The following TATDN2 variants were observed in gnomAD, a reference collection of about 807,000 sequenced individuals.
The protein encoded by TATDN2 is 3'-5' RNA nuclease TATDN2.
In TATDN2, 44 loss-of-function variants were observed where a neutral mutation model predicts 60.3. The observed-to-expected ratio is 0.73, with a 90% CI of 0.57 to 0.94. The LOEUF (loss-of-function observed/expected upper bound fraction) is 0.94. Among genes scored for constraint, TATDN2 ranks in the 40% least tolerant of loss-of-function variants. The probability of loss-of-function intolerance (pLI) is 0.00; values close to 1 mark genes in which losing one functional copy is unlikely to be tolerated. For synonymous variants in TATDN2, 399 were observed against 355.8 expected (o/e 1.12, Z -1.37); for missense variants, 997 against 948.0 (o/e 1.05, Z -0.68).
chr3:10,252,241 CCTCTTGCCTTGT>C, intron 2 of TATDN2, among the ~76,000 whole-genome samples: 1 of 147,964 alleles, frequency 6.8e-6, no homozygotes, highest in African/African-American at 2.6e-5. Context: ...CTCAAGCTGT[CCTCTTGCCTTGT>C]CCTCCCAAAG....
chr3:10,273,676 G>A (rs562667781), intron 4 of TATDN2, among the ~76,000 whole-genome samples: 7 of 151,674 alleles, frequency 4.6e-5, no homozygotes, highest in African/African-American at 1.7e-4. Flanking sequence ...TTATAGGAGA[G>A]TTTGGTTGAT....
chr3:10,267,699 A>C (rs188835654), intron 3 of TATDN2, among the ~76,000 whole-genome samples: 1 of 152,348 alleles, frequency 6.6e-6, no homozygotes, highest in African/African-American at 2.4e-5. Flanking sequence ...TAGTCATCAT[A>C]TCACATTGAG....
At position 10,276,475 on chromosome 3, in the gene TATDN2, T is replaced by C; in HGVS notation, c.1948T>C (p.Tyr650His). 1.9e-6 allele frequency: 3 copies of C among 1,613,926 alleles called. No homozygotes were observed. The highest frequency in any genetic ancestry group is 2.5e-6 in the Non-Finnish European group (3 of 1,179,936). The part of the protein sequence containing the change: ...EIMKKFVPPD[Y>H]KIHRHCFTGS... ...CATGAAAAAGTTTGTGCCCCCTGACTACAAGATCCATAGGTTAGAAGACTG... is the reference window on the plus strand; with the variant it reads ...CATGAAAAAGTTTGTGCCCCCTGACCACAAGATCCATAGGTTAGAAGACTG... The change falls in exon 5 of 8, where the codon TAC becomes CAC. Residue 650 changes from tyrosine (Y) to histidine (H), a missense_variant. Physicochemically the swap from Tyr to His is moderately conservative, Grantham distance 83. Coordinates refer to ENST00000448281, the MANE Select transcript of TATDN2 (RefSeq NM_014760.4).
chr3:10,252,638 C>T (rs1040750968), intron 2 of TATDN2, among the ~76,000 whole-genome samples: 2 of 152,002 alleles, frequency 1.3e-5, no homozygotes, highest in Admixed American at 6.6e-5. Flanking sequence ...ATGGCATGTT[C>T]ATCCTCAGGT....
At chr3:10,258,054 G>A (rs1489600923) in intron 2 of TATDN2, among the ~76,000 whole-genome samples, 1 of 149,468 alleles carries the variant, frequency 6.7e-6, no homozygotes, top group African/African-American at 2.5e-5. Context: ...TAGAGACGGG[G>A]TTTCACTGTG....
Position 10,270,673 on chromosome 3 carries a change from C to T in TATDN2, c.1491C>T (p.Asp497=). Residue 497 remains aspartate (D), a synonymous_variant, in exon 4 of 8, where the codon GAC becomes GAT. Coordinates refer to ENST00000448281, the MANE Select transcript of TATDN2 (RefSeq NM_014760.4). Reference sequence around the variant, plus strand: ...CAAGCCTAGAGGAGGGCTTCATTGACACTCATTGTCACCTGGACATGCTCT... The same window carrying T: ...CAAGCCTAGAGGAGGGCTTCATTGATACTCATTGTCACCTGGACATGCTCT... The part of the protein sequence containing the change: ...LEPSLEEGFI[D]THCHLDMLYS... The T allele has an allele frequency of 2.5e-6, 4 of 1,614,252 alleles. No individual in the cohort carries two copies. Among genetic ancestry groups the T allele is most frequent in the Non-Finnish European group, 3.4e-6 (4 of 1,180,044 alleles).
At chr3:10,276,954 T>C (rs1479925833) in intron 5 of TATDN2, among the ~76,000 whole-genome samples, 1 of 144,732 alleles carries the variant, frequency 6.9e-6, no homozygotes, top group Non-Finnish European at 1.5e-5. Flanking sequence ...TATTTGACCT[T>C]TTTTTTTTTT....
intron 2 of TATDN2, among the ~76,000 whole-genome samples, chr3:10,258,770 G>C (rs764574229): frequency 6.6e-6 from 1 of 151,868 alleles, no homozygotes; most frequent in Non-Finnish European, 1.5e-5. Flanking sequence ...GCTCCCAGCC[G>C]AGCCTAAGTC....
At chr3:10,267,368 G>A (rs1457930215) in intron 3 of TATDN2, among the ~76,000 whole-genome samples, 1 of 151,398 alleles carries the variant, frequency 6.6e-6, no homozygotes, top group Non-Finnish European at 1.5e-5. Context: ...TGTTTATGGT[G>A]TATGTTTCTA....
In TATDN2 at chr3:10,280,298, C is replaced by T. The variant is rs1698714179; in HGVS notation, c.*1116C>T. On this transcript the variant is annotated 3_prime_UTR_variant, in exon 8 of 8. Coordinates refer to ENST00000448281, the MANE Select transcript of TATDN2 (RefSeq NM_014760.4). ...TTTGCCTCTCCTGTGTCCTGTCTTT[C>T]TGCGTTTTAGAAGTGAGAGCCTCTC... The T allele has an allele frequency of 1.3e-5, 2 of 153,848 alleles. No homozygotes were observed. The highest frequency in any genetic ancestry group is 4.1e-4 in the South Asian group (2 of 4,830). The allele number at this position is 153,848 out of a possible 1,614,324, so 9.5% of individuals were successfully genotyped here.
chr3:10,248,988 A>G lies in TATDN2; in HGVS notation c.-86A>G. 2 of 486,542 alleles carry G rather than the reference A, an allele frequency of 4.1e-6. No homozygotes were observed. Among genetic ancestry groups the G allele is most frequent in the Non-Finnish European group, 6.6e-6 (2 of 303,812 alleles). The allele number at this position is 486,542 out of a possible 1,614,324, so 30.1% of individuals were successfully genotyped here. Reference sequence around the variant, plus strand: ...GACGGCAGCCTTTAGTCAATTTTGGATCGCTTTGACTTCTCCAACACGGTT... The same window carrying G: ...GACGGCAGCCTTTAGTCAATTTTGGGTCGCTTTGACTTCTCCAACACGGTT... On this transcript the variant is annotated 5_prime_UTR_variant, in exon 1 of 8. Transcript: ENST00000448281.
chr3:10,254,517 G>A (rs547953887), intron 2 of TATDN2, among the ~76,000 whole-genome samples: 18 of 152,212 alleles, frequency 1.2e-4, no homozygotes, highest in African/African-American at 4.3e-4. Flanking sequence ...AGACAGGAAG[G>A]CTGGGGCCAG....
chr3:10,257,841 A>ATTTTTT lies in TATDN2; in HGVS notation c.415-2266_415-2261dup, dbSNP rs553265148. Among the ~76,000 whole-genome samples the ATTTTTT allele has an allele frequency of 9.9e-4, 30 of 30,298 alleles. 3 individuals carry two copies. The highest frequency in any genetic ancestry group is 1.3e-3 in the Non-Finnish European group (18 of 14,388). 19.9% of individuals were successfully genotyped at this position (30,298 alleles called of 152,430 possible). A position where few individuals can be genotyped will look rare whatever the true frequency, so the allele number is the denominator to read the frequency against. On this transcript the variant is annotated intron_variant, in intron 2 of 7. Coordinates refer to ENST00000448281, the MANE Select transcript of TATDN2 (RefSeq NM_014760.4). ...AAGTATAGATTTCTAAAGGTTTATG[A>ATTTTTT]TTTTTTTTTTTTTTTTTTTTTTTTT...
chr3:10,274,043 G>C (rs1698601479), intron 4 of TATDN2, among the ~76,000 whole-genome samples: 1 of 152,178 alleles, frequency 6.6e-6, no homozygotes, highest in South Asian at 2.1e-4. Flanking sequence ...GGAATCCCTG[G>C]AAATAATGGA....
In TATDN2 at chr3:10,270,263, T is replaced by C; in HGVS notation, c.1081T>C (p.Ser361Pro). The C allele has an allele frequency of 6.2e-7, 1 of 1,614,164 alleles. No individual in the cohort carries two copies. The highest frequency in any genetic ancestry group is 8.5e-7 in the Non-Finnish European group (1 of 1,180,042). The part of the protein sequence containing the change: ...SLKPSAVPEP[S>P]SFTTDYVMYP... ...GAAACCTTCAGCCGTTCCGGAGCCT[T>C]CTTCCTTCACCACCGACTATGTCAT... Residue 361 changes from serine to proline, a missense_variant, in exon 4 of 8, where the codon TCT becomes CCT. Transcript: ENST00000448281.
Position 10,257,863 on chromosome 3 carries a change from TTTTTTTTTTTTTTG to T in TATDN2, c.415-2273_415-2260del, listed in dbSNP as rs1470691278. 3.2e-4 allele frequency among the ~76,000 whole-genome samples: 31 copies of T among 98,042 alleles called. 1 individual carries two copies. The highest frequency in any genetic ancestry group is 1.5e-3 in the South Asian group (4 of 2,582). The allele number at this position is 98,042 out of a possible 152,430, so 64.3% of individuals were successfully genotyped here. On this transcript the variant is annotated intron_variant, in intron 2 of 7. Transcript: ENST00000448281. The stretch of plus-strand genomic sequence containing the variant: ...ATGATTTTTTTTTTTTTTTTTTTTT[TTTTTTTTTTTTTTG>T]GGAGATGGAGTCTTACTCTGTAGCC...
intron 4 of TATDN2, among the ~76,000 whole-genome samples, chr3:10,271,981 G>A (rs76926917): frequency 0.028 from 4,288 of 151,872 alleles, 195 homozygotes; most frequent in African/African-American, 0.097. Context: ...CACCTGCCTC[G>A]GCGTCCGAAA....
At chr3:10,253,123 C>T (rs1304074425) in intron 2 of TATDN2, among the ~76,000 whole-genome samples, 2 of 151,708 alleles carry the variant, frequency 1.3e-5, no homozygotes, top group Non-Finnish European at 2.9e-5. Context: ...TCCCAAAGTG[C>T]TGGGATTACA....
chr3:10,253,775 TAAC>T (rs1157932525), intron 2 of TATDN2, among the ~76,000 whole-genome samples: 1 of 152,170 alleles, frequency 6.6e-6, no homozygotes, highest in Non-Finnish European at 1.5e-5. Context: ...TCATATCAAT[TAAC>T]AAATATTTAA....
Sources: allele counts gnomAD v4.1 joint callset (sites outside exome capture counted in the v4.1 genomes callset), GRCh38; gene constraint gnomAD v4.1.1; transcripts MANE v1.5; gene names NCBI Gene and HGNC (gene_info 2026-07-23, HGNC 2026-07-21).